The following COL25A1 variants were observed in gnomAD, a reference collection of about 807,000 sequenced individuals.
The protein encoded by COL25A1 is collagen alpha-1(XXV) chain.
COL25A1 carries 103 observed loss-of-function variants against 128.4 expected under a neutral mutation model. That is an observed-to-expected ratio of 0.80 (90% confidence interval 0.68 to 0.94). The LOEUF is 0.94. Ranked by LOEUF, COL25A1 falls within the 40% of genes least tolerant of loss-of-function variation. The probability of loss-of-function intolerance (pLI) is 0.00; values close to 1 mark genes in which losing one functional copy is unlikely to be tolerated. For missense variants in COL25A1, 745 were observed against 840.0 expected, an observed-to-expected ratio of 0.89 and a Z score of 1.40; for synonymous variants, 279 against 277.2, an observed-to-expected ratio of 1.01 and a Z score of -0.06.
intron 3 of COL25A1, among the ~76,000 whole-genome samples, chr4:109,189,546 T>TAAA (rs1775415109): frequency 2.1e-5 from 1 of 48,448 alleles, no homozygotes; most frequent in Non-Finnish European, 3.0e-5. Flanking sequence ...AGACTCCATC[T>TAAA]CAAAAAAAAA....
intron 34 of COL25A1, 56 bp downstream of exon 34, chr4:108,825,140 T>G: frequency 1.5e-6 from 2 of 1,368,648 alleles, no homozygotes; most frequent in Non-Finnish European, 2.1e-6. Flanking sequence ...TTATCGATGA[T>G]GGAGACCATC....
At position 109,302,067 on chromosome 4, in the gene COL25A1, C is replaced by T; in HGVS notation, c.-48G>A. The T allele has an allele frequency of 6.6e-7, 1 of 1,520,508 alleles. No individual in the cohort carries two copies. The highest frequency in any genetic ancestry group is 8.7e-7 in the Non-Finnish European group (1 of 1,143,644). 94.2% of individuals were successfully genotyped at this position (1,520,508 alleles called of 1,614,324 possible). On this transcript the variant is annotated 5_prime_UTR_variant, in exon 2 of 38. Coordinates refer to ENST00000399132, the MANE Select transcript of COL25A1 (RefSeq NM_198721.4). ...GCTTCGCTTCCCACCCTCTACACCT[C>T]AAATAATCCTAAAAGGAAAGAAAAA...
intron 6 of COL25A1, among the ~76,000 whole-genome samples, chr4:108,998,988 G>A (rs1278874510): frequency 6.6e-6 from 1 of 152,142 alleles, no homozygotes; most frequent in Non-Finnish European, 1.5e-5. Flanking sequence ...AGACTTAAAT[G>A]TAAGACCTAA....
intron 3 of COL25A1, among the ~76,000 whole-genome samples, chr4:109,263,464 T>C (rs964861926): frequency 6.6e-6 from 1 of 152,122 alleles, no homozygotes; most frequent in Non-Finnish European, 1.5e-5. Flanking sequence ...GGTAATGATA[T>C]AAGTGTAATG....
intron 3 of COL25A1, among the ~76,000 whole-genome samples, chr4:109,083,448 ATTTTTT>A (rs60165291): frequency 1.0e-3 from 79 of 77,056 alleles, no homozygotes; most frequent in African/African-American, 3.6e-3. Context: ...CACTAAATAA[ATTTTTT>A]TTTTTTTTTT....
intron 18 of COL25A1, among the ~76,000 whole-genome samples, chr4:108,888,013 A>G (rs1384183412): frequency 6.6e-6 from 1 of 152,184 alleles, no homozygotes; most frequent in Non-Finnish European, 1.5e-5. Flanking sequence ...TAAATAGAGA[A>G]TTGATAGGAA....
At chr4:109,095,195 T>C (rs1045712516) in intron 3 of COL25A1, among the ~76,000 whole-genome samples, 22 of 152,200 alleles carry the variant, frequency 1.4e-4, no homozygotes, top group Admixed American at 7.9e-4. Context: ...GCTAACACTT[T>C]CAATGAAAGT....
At position 109,125,752 on chromosome 4, in the gene COL25A1, G is replaced by A. The variant is rs1430588709; in HGVS notation, c.368-75573C>T. ...ACTGGATACTGGCACAACTCCTGTAGGAAAGAGGTAACAGTTGCCCCACAC... is the reference window on the plus strand; with the variant it reads ...ACTGGATACTGGCACAACTCCTGTAAGAAAGAGGTAACAGTTGCCCCACAC... On this transcript the variant is annotated intron_variant, in intron 3 of 37. Coordinates refer to ENST00000399132, the MANE Select transcript of COL25A1 (RefSeq NM_198721.4). 3.3e-5 allele frequency among the ~76,000 whole-genome samples: 5 copies of A among 152,188 alleles called. No homozygotes were observed. In the South Asian group the frequency reaches 1.0e-3, roughly 32 times the overall value.
At chr4:109,202,863 A>T (rs766533421) in intron 3 of COL25A1, among the ~76,000 whole-genome samples, 3 of 152,196 alleles carry the variant, frequency 2.0e-5, no homozygotes, top group Non-Finnish European at 4.4e-5. Context: ...ATATCTTATA[A>T]AGATAGATAA....
intron 3 of COL25A1, among the ~76,000 whole-genome samples, chr4:109,225,983 G>A (rs1045057015): frequency 1.2e-4 from 17 of 137,180 alleles, no homozygotes; most frequent in Admixed American, 5.5e-4. Flanking sequence ...ATAGTATTCC[G>A]TTGTATTTGT....
At position 109,225,229 on chromosome 4, in the gene COL25A1, G is replaced by A. The variant is rs1380197841; in HGVS notation, c.367+75354C>T. Among the ~76,000 whole-genome samples the A allele has an allele frequency of 2.0e-5, 3 of 152,084 alleles. No homozygotes were observed. The South Asian group carries it at 6.2e-4, about 32-fold the overall frequency. On this transcript the variant is annotated intron_variant, in intron 3 of 37. Transcript: ENST00000399132. Reference sequence around the variant, plus strand: ...TTTCAGTAAAATATTTGCAAAGTGTGCACCTGACAAAAAAACTTACATTCA... The same window carrying A: ...TTTCAGTAAAATATTTGCAAAGTGTACACCTGACAAAAAAACTTACATTCA...
chr4:109,170,228 T>G (rs1246016171), intron 3 of COL25A1, among the ~76,000 whole-genome samples: 1 of 152,160 alleles, frequency 6.6e-6, no homozygotes, highest in Non-Finnish European at 1.5e-5. Context: ...GATAATTCCC[T>G]AATAGGGAAG....
chr4:109,262,531 C>G (rs1781524520), intron 3 of COL25A1, among the ~76,000 whole-genome samples: 1 of 151,790 alleles, frequency 6.6e-6, no homozygotes, highest in Non-Finnish European at 1.5e-5. Flanking sequence ...AAAAAAAAAG[C>G]TTCCTACATT....
At chr4:109,174,831 T>A (rs1055668712) in intron 3 of COL25A1, among the ~76,000 whole-genome samples, 1 of 152,224 alleles carries the variant, frequency 6.6e-6, no homozygotes, top group African/African-American at 2.4e-5. Context: ...GGCTGCAGAC[T>A]ACTACTGGTC....
intron 3 of COL25A1, among the ~76,000 whole-genome samples, chr4:109,197,359 TAAA>T (rs1211142722): frequency 1.0e-4 from 13 of 129,974 alleles, no homozygotes; most frequent in African/African-American, 3.8e-4. Context: ...ATATTATATA[TAAA>T]AATATATAAT....
At chr4:109,175,553 T>G (rs1774013830) in intron 3 of COL25A1, among the ~76,000 whole-genome samples, 1 of 152,234 alleles carries the variant, frequency 6.6e-6, no homozygotes, top group Non-Finnish European at 1.5e-5. Flanking sequence ...CTCACTGTTT[T>G]CATGATTAAA....
At chr4:109,189,161 G>A (rs1775379418) in intron 3 of COL25A1, among the ~76,000 whole-genome samples, 1 of 151,980 alleles carries the variant, frequency 6.6e-6, no homozygotes, top group Non-Finnish European at 1.5e-5. Context: ...GGGTACCTTT[G>A]TGCTTACAAT....
intron 5 of COL25A1, among the ~76,000 whole-genome samples, chr4:109,028,412 T>C (rs1435573152): frequency 6.6e-6 from 1 of 152,044 alleles, no homozygotes; most frequent in Non-Finnish European, 1.5e-5. Flanking sequence ...CCCTGCCCAT[T>C]CCAACATGTA....
chr4:109,256,358 G>A (rs570466912), intron 3 of COL25A1, among the ~76,000 whole-genome samples: 1 of 152,110 alleles, frequency 6.6e-6, no homozygotes, highest in Non-Finnish European at 1.5e-5. Context: ...GACCTTTAAG[G>A]CATCTTCTCA....
Sources: allele counts gnomAD v4.1 joint callset (sites outside exome capture counted in the v4.1 genomes callset), GRCh38; gene constraint gnomAD v4.1.1; transcripts MANE v1.5; gene names NCBI Gene and HGNC (gene_info 2026-07-23, HGNC 2026-07-21).